PTPRN2: variants seen among roughly 807,000 people sequenced by gnomAD.
The protein encoded by PTPRN2 is receptor-type tyrosine-protein phosphatase N2.
A neutral mutation model predicts 118.8 loss-of-function variants in PTPRN2; 74 were observed. That is an observed-to-expected ratio of 0.62 (90% CI 0.52 to 0.76). The LOEUF (loss-of-function observed/expected upper bound fraction) is 0.76, where lower values mean the gene tolerates loss of function less well. Ranked by LOEUF, PTPRN2 falls within the 30% of genes least tolerant of loss-of-function variation. PTPRN2 has a pLI of 0.00. For missense variants in PTPRN2, 1,481 were observed against 1,394.4 expected (o/e 1.06, Z -0.99); for synonymous variants, 641 against 608.0 (o/e 1.05, Z -0.80).
chr7:158,433,724 A>G (rs575600277), intron 2 of PTPRN2, among the ~76,000 whole-genome samples: 1 of 152,072 alleles, frequency 6.6e-6, no homozygotes, highest in East Asian at 1.9e-4. Flanking sequence ...ATATTCTTAT[A>G]TTTCTTTAAC....
Position 158,357,739 on chromosome 7 carries a change from C to T in PTPRN2, c.164-40807G>A, listed in dbSNP as rs550523080. 2.1e-4 allele frequency among the ~76,000 whole-genome samples: 32 copies of T among 152,334 alleles called. No homozygotes were observed. The South Asian group carries it at 3.3e-3, about 16-fold the overall frequency. On this transcript the variant is annotated intron_variant, in intron 2 of 22. Coordinates refer to ENST00000389418, the MANE Select transcript of PTPRN2 (RefSeq NM_002847.5). ...TCCCGTAAGGTTCCAGGGACCATTC[C>T]GGGGAGAAAGAAGGGCCTGGTCCCA...
chr7:157,685,685 ACCGGG>A, intron 12 of PTPRN2, among the ~76,000 whole-genome samples: 1 of 152,280 alleles, frequency 6.6e-6, no homozygotes, highest in East Asian at 1.9e-4. Context: ...CGGGAGCGGA[ACCGGG>A]CCTGCTTTGG....
intron 12 of PTPRN2, among the ~76,000 whole-genome samples, chr7:157,822,802 C>A (rs1277524509): frequency 6.6e-6 from 1 of 151,920 alleles, no homozygotes; most frequent in South Asian, 2.1e-4. Flanking sequence ...ATCAGCCCAT[C>A]CATCCATCCA....
intron 3 of PTPRN2, among the ~76,000 whole-genome samples, chr7:158,256,836 GTC>G (rs1797053757): frequency 1.3e-5 from 2 of 152,134 alleles, no homozygotes; most frequent in Admixed American, 1.3e-4. Flanking sequence ...AAAAAATATA[GTC>G]TCTAAGAAAT....
Position 158,587,786 on chromosome 7 carries a change from C to T in PTPRN2, c.-117G>A, listed in dbSNP as rs1411101637. 2.1e-6 allele frequency: 2 copies of T among 974,216 alleles called. No individual in the cohort carries two copies. Among genetic ancestry groups the T allele is most frequent in the Admixed American group, 6.0e-5 (1 of 16,708 alleles). 60.3% of individuals were successfully genotyped at this position (974,216 alleles called of 1,614,324 possible). A position where few individuals can be genotyped will look rare whatever the true frequency, so the allele number is the denominator to read the frequency against. On this transcript the variant is annotated 5_prime_UTR_variant, in exon 1 of 23. Transcript: ENST00000389418. The stretch of plus-strand genomic sequence containing the variant: ...GGCTCCTCCCGCCGCGCCTCTCGCG[C>T]TCTTGCGGCGACGCCGGGCCGAGCT...
chr7:157,636,263 T>C (rs1180717887), intron 14 of PTPRN2, among the ~76,000 whole-genome samples: 1 of 152,224 alleles, frequency 6.6e-6, no homozygotes, highest in Non-Finnish European at 1.5e-5. Flanking sequence ...GCAATTTCCA[T>C]AGCTTCCCTT....
chr7:158,146,983 TC>T (rs1820142044), intron 6 of PTPRN2, among the ~76,000 whole-genome samples: 1 of 97,224 alleles, frequency 1.0e-5, no homozygotes. Context: ...CACGTGTCTT[TC>T]CCCCTCAATG....
chr7:157,558,119 C>T (rs1421209543), intron 21 of PTPRN2, among the ~76,000 whole-genome samples: 2 of 98,062 alleles, frequency 2.0e-5, no homozygotes, highest in South Asian at 2.7e-4. Context: ...AAGACGAATA[C>T]GATGGCTCCA....
intron 2 of PTPRN2, among the ~76,000 whole-genome samples, chr7:158,448,624 T>C (rs1016743557): frequency 6.6e-5 from 10 of 152,178 alleles, no homozygotes; most frequent in Non-Finnish European, 1.3e-4. Flanking sequence ...CAGCTCCCAC[T>C]CCTGGGCCAA....
At chr7:158,083,144 C>A (rs1462358954) in intron 10 of PTPRN2, among the ~76,000 whole-genome samples, 1 of 152,156 alleles carries the variant, frequency 6.6e-6, no homozygotes, top group East Asian at 1.9e-4. Flanking sequence ...ATATTTAGTG[C>A]TCAAATGGCA....
intron 11 of PTPRN2, among the ~76,000 whole-genome samples, chr7:158,019,383 G>A (rs1806694819): frequency 6.6e-6 from 1 of 152,276 alleles, no homozygotes; most frequent in African/African-American, 2.4e-5. Context: ...AGGGGGCAGA[G>A]GCCGTGGTGT....
chr7:158,250,918 G>A (rs1796612645), intron 3 of PTPRN2, among the ~76,000 whole-genome samples: 1 of 151,928 alleles, frequency 6.6e-6, no homozygotes, highest in African/African-American at 2.4e-5. Flanking sequence ...AGTGTTTGTG[G>A]GGAAATTTTC....
chr7:158,479,513 G>T (rs1258026320), intron 2 of PTPRN2, among the ~76,000 whole-genome samples: 1 of 152,206 alleles, frequency 6.6e-6, no homozygotes, highest in Non-Finnish European at 1.5e-5. Context: ...TGATCTGGGG[G>T]ACACCCAGAG....
chr7:157,751,456 T>C (rs1488733543), intron 12 of PTPRN2, among the ~76,000 whole-genome samples: 2 of 152,196 alleles, frequency 1.3e-5, no homozygotes, highest in African/African-American at 4.8e-5. Context: ...GCTGAGCGTG[T>C]GCAGGGAAAG....
chr7:158,081,275 CGTGT>C lies in PTPRN2; in HGVS notation c.1723+19_1723+22del. The C allele has an allele frequency of 6.3e-7, 1 of 1,599,326 alleles. No individual in the cohort carries two copies. Among genetic ancestry groups the C allele is most frequent in the South Asian group, 1.1e-5 (1 of 90,718 alleles). On this transcript the variant is annotated intron_variant, in intron 11 of 22. Transcript: ENST00000389418. ...GTGCACACACGTGTGTGTGCGTGTA[CGTGT>C]GTGTGGAAACAGCCTCACCTGTGGC...
rs1476806069 is a variant in PTPRN2, at chr7:157,787,272, C to T, written c.1789-104335G>A. Among the ~76,000 whole-genome samples the T allele has an allele frequency of 1.3e-5, 2 of 152,166 alleles. 1 individual carries two copies. The highest frequency in any genetic ancestry group is 2.9e-5 in the Non-Finnish European group (2 of 68,018). ...CCCGCGTGCCAGTGGATGCCCACAACCCCTCTGGGGTGTCGGGGATCAGGT... is the reference window on the plus strand; with the variant it reads ...CCCGCGTGCCAGTGGATGCCCACAATCCCTCTGGGGTGTCGGGGATCAGGT... On this transcript the variant is annotated intron_variant, in intron 12 of 22. Transcript: ENST00000389418. This position sits in a 1 kb window ranked among gnomAD's most constrained non-coding sequence, Gnocchi z 5.3.
chr7:157,694,187 T>C (rs1229284106), intron 12 of PTPRN2, among the ~76,000 whole-genome samples: 1 of 152,258 alleles, frequency 6.6e-6, no homozygotes, highest in Admixed American at 6.5e-5. Flanking sequence ...TTGATCTTAA[T>C]TTAATGACCT....
chr7:158,064,504 A>G (rs1312115694), intron 11 of PTPRN2, among the ~76,000 whole-genome samples: 1 of 152,076 alleles, frequency 6.6e-6, no homozygotes, highest in African/African-American at 2.4e-5. Flanking sequence ...GCTTGGACAC[A>G]CTGGTCACGC....
At chr7:158,491,966 G>T (rs867549415) in intron 1 of PTPRN2, among the ~76,000 whole-genome samples, 1 of 152,178 alleles carries the variant, frequency 6.6e-6, no homozygotes, top group African/African-American at 2.4e-5. Flanking sequence ...ACAGCAGGAG[G>T]AGAGGCAGAC....
Sources: gnomAD v4.1 joint callset for allele counts (sites outside exome capture counted in the v4.1 genomes callset) on GRCh38, gnomAD v4.1.1 for gene constraint, Gnocchi (gnomAD v3.1) non-coding constraint, MANE v1.5 for transcripts, NCBI Gene and HGNC (gene_info 2026-07-23, HGNC 2026-07-21) for gene names.